Variants in CPLANE1 observed in about 807,000 individuals in gnomAD.
CPLANE1 encodes ciliogenesis and planar polarity effector 1.
In CPLANE1, 263 loss-of-function variants were observed where a neutral mutation model predicts 362.5. The ratio of observed to expected loss-of-function variants is 0.73; its 90% CI spans 0.66 to 0.80. The LOEUF is 0.80. Ranked by LOEUF, CPLANE1 falls within the 30% of genes least tolerant of loss-of-function variation. The pLI is 0.00. For synonymous variants in CPLANE1, 1,212 were observed against 1,302.6 expected, an observed-to-expected ratio of 0.93 and a Z score of 1.50; for missense variants, 3,461 against 3,793.4, an observed-to-expected ratio of 0.91 and a Z score of 2.30.
chr5:37,153,823 G>GCT lies in CPLANE1; in HGVS notation c.8288_8289dup (p.Gln2764SerfsTer4). ...GCAATGTTCTGTATTGCTAGCAACTGCTCGTCAATTTTCTGAAGCTTAGCA... is the reference window on the plus strand; with the variant it reads ...GCAATGTTCTGTATTGCTAGCAACTGCTCTCGTCAATTTTCTGAAGCTTAGCA... On this transcript the variant is annotated frameshift_variant, in exon 42 of 53. Transcript: ENST00000651892. LOFTEE classifies it high-confidence loss of function. The GCT allele has an allele frequency of 1.2e-6, 2 of 1,614,086 alleles. No individual in the cohort carries two copies. Among genetic ancestry groups the GCT allele is most frequent in the South Asian group, 2.2e-5 (2 of 91,080 alleles).
intron 31 of CPLANE1, 108 bp downstream of exon 31, chr5:37,175,801 A>G: frequency 1.4e-6 from 1 of 731,450 alleles, no homozygotes; most frequent in Non-Finnish European, 2.3e-6. Flanking sequence ...CTTAGTTTTT[A>G]GTCAAAATGT....
At chr5:37,102,735 T>A (rs1757353715), downstream of CPLANE1, among the ~76,000 whole-genome samples, 1 of 152,232 alleles carries the variant, frequency 6.6e-6, no homozygotes. Context: ...AGTTTCTTAA[T>A]CTTGAGTTCT....
rs145215555 is a variant in CPLANE1 at position 37,142,374 on chromosome 5, C to G, written c.8568G>C (p.Val2856=). The G allele has an allele frequency of 2.6e-4, 418 of 1,611,568 alleles. 1 individual carries two copies. The African/African-American group carries it at 5.3e-3, about 20-fold the overall frequency. The change falls in exon 44 of 53, where the codon GTG becomes GTC. Residue 2856 remains valine (V), a synonymous_variant. Transcript: ENST00000651892. Reference sequence around the variant, plus strand: ...TGACAGCTGAATCGGCAGTAGGAAACACACAGGTTTTCTGACCAGAATAAT... The same window carrying G: ...TGACAGCTGAATCGGCAGTAGGAAAGACACAGGTTTTCTGACCAGAATAAT... ...TENYSGQKTC[V]FPTADSAVSL... is the part of the protein sequence containing the mutation.
intron 50 of CPLANE1, among the ~76,000 whole-genome samples, chr5:37,118,326 G>A (rs576801654): frequency 1.9e-4 from 28 of 150,422 alleles, no homozygotes; most frequent in Admixed American, 4.6e-4. Flanking sequence ...GATGGCTCTT[G>A]AGCCTAGGAG....
rs779680371 is a variant in CPLANE1, at chr5:37,244,434, G to GA, written c.510dup (p.Leu171SerfsTer8). On this transcript the variant is annotated frameshift_variant, in exon 5 of 53. Coordinates refer to ENST00000651892, the MANE Select transcript of CPLANE1 (RefSeq NM_001384732.1). LOFTEE classifies it high-confidence loss of function. ...TCTTTATCTTCGGTGGAAGGCAAGAGAACTGCTTCTTCAGGTATGACCTGG... is the reference window on the plus strand; with the variant it reads ...TCTTTATCTTCGGTGGAAGGCAAGAGAAACTGCTTCTTCAGGTATGACCTGG... 6.4e-7 allele frequency: 1 copy of GA among 1,551,206 alleles called. No individual in the cohort carries two copies. The highest frequency in any genetic ancestry group is 1.4e-5 in the African/African-American group (1 of 72,934).
chr5:37,123,447 T>C (rs1314415922), intron 47 of CPLANE1, among the ~76,000 whole-genome samples: 1 of 152,206 alleles, frequency 6.6e-6, no homozygotes, highest in Admixed American at 6.5e-5. Flanking sequence ...ATCCCATCCC[T>C]TTACCCAAAT....
intron 41 of CPLANE1, among the ~76,000 whole-genome samples, chr5:37,156,778 A>T (rs932245189): frequency 1.3e-5 from 2 of 152,226 alleles, no homozygotes; most frequent in Non-Finnish European, 2.9e-5. Context: ...GACACTGAGG[A>T]CTACAAGACA....
At position 37,197,205 on chromosome 5, in the gene CPLANE1, C is replaced by T. The variant is rs551749212; in HGVS notation, c.3673-1209G>A. ...TTGGAGATGATAAAATTTATTTCCA[C>T]GTTTCAGGAAAGGGCTCTAAGAGAC... On this transcript the variant is annotated intron_variant, in intron 20 of 52. Coordinates refer to ENST00000651892, the MANE Select transcript of CPLANE1 (RefSeq NM_001384732.1). Among the ~76,000 whole-genome samples, 5 of 151,892 alleles carry T rather than the reference C, an allele frequency of 3.3e-5. No homozygotes were observed. The South Asian group carries it at 8.3e-4, about 25-fold the overall frequency.
chr5:37,179,282 C>T, intron 29 of CPLANE1, 79 bp downstream of exon 29: 1 of 923,268 alleles, frequency 1.1e-6, no homozygotes. Flanking sequence ...TATTTAATAA[C>T]AATGAATAAA....
At chr5:37,194,600 C>A (rs201420428) in intron 21 of CPLANE1, among the ~76,000 whole-genome samples, 2 of 151,134 alleles carry the variant, frequency 1.3e-5, no homozygotes, top group Non-Finnish European at 2.9e-5. Context: ...GAAAAACAGA[C>A]AATCTGAGCC....
intron 50 of CPLANE1, among the ~76,000 whole-genome samples, chr5:37,118,777 G>A (rs1349962281): frequency 3.3e-5 from 5 of 150,608 alleles, no homozygotes; most frequent in Non-Finnish European, 5.9e-5. Flanking sequence ...GCAGTGGTGC[G>A]ATCTCAGCTC....
At chr5:37,127,322 T>C (rs1276253657) in intron 46 of CPLANE1, among the ~76,000 whole-genome samples, 2 of 152,144 alleles carry the variant, frequency 1.3e-5, no homozygotes, top group South Asian at 2.1e-4. Flanking sequence ...TGCAGTATGA[T>C]AGTTGTCCCC....
intron 46 of CPLANE1, among the ~76,000 whole-genome samples, chr5:37,130,960 T>C (rs978492038): frequency 9.2e-5 from 14 of 152,348 alleles, no homozygotes; most frequent in African/African-American, 2.9e-4. Context: ...GAAACAGTTA[T>C]ATATCCTTGC....
chr5:37,103,008 A>C (rs1248392465), downstream of CPLANE1, among the ~76,000 whole-genome samples: 2 of 152,166 alleles, frequency 1.3e-5, no homozygotes, highest in African/African-American at 4.8e-5. Flanking sequence ...GTCCAGTATT[A>C]CTGTGTGGGA....
chr5:37,227,488 C>T, intron 10 of CPLANE1, 80 bp downstream of exon 10: 1 of 1,480,932 alleles, frequency 6.8e-7, no homozygotes, highest in South Asian at 1.4e-5. Context: ...GTATACAATT[C>T]AAGGACATTA....
the CPLANE1 span, among the ~76,000 whole-genome samples, chr5:37,088,548 G>T: frequency 6.6e-6 from 1 of 152,170 alleles, no homozygotes; most frequent in Non-Finnish European, 1.5e-5. Flanking sequence ...GAAACATTGG[G>T]CAAATCAGTG....
rs1380659662 is a variant in CPLANE1, at chr5:37,209,055, C to T, written c.2921-2630G>A. On this transcript the variant is annotated intron_variant, in intron 16 of 52. Coordinates refer to ENST00000651892, the MANE Select transcript of CPLANE1 (RefSeq NM_001384732.1). The surrounding 1 kb of genome is among the most constrained non-coding windows in gnomAD (Gnocchi z 4.6). ...AGGATGGGATGTGAGGCGGTCCTGC[C>T]TTGCCGCCTTCTGTCCCTAGTCTCC... Among the ~76,000 whole-genome samples, 1 of 152,244 alleles carries T rather than the reference C, an allele frequency of 6.6e-6. No individual in the cohort carries two copies. Among genetic ancestry groups the T allele is most frequent in the Non-Finnish European group, 1.5e-5 (1 of 68,048 alleles).
In CPLANE1 at chr5:37,182,927, T is replaced by G; in HGVS notation, c.5254A>C (p.Arg1752=). The G allele has an allele frequency of 6.2e-7, 1 of 1,605,188 alleles. No individual in the cohort carries two copies. The highest frequency in any genetic ancestry group is 8.5e-7 in the Non-Finnish European group (1 of 1,176,402). ...SIGRLLEWMI[R]WSNRRLLCDS... is the part of the protein sequence containing the mutation. ...CAGAGTAGCCTTCTATTAGACCACCTTATCATCCATTCCAGCAGTCTTCCT... is the reference window on the plus strand; with the variant it reads ...CAGAGTAGCCTTCTATTAGACCACCGTATCATCCATTCCAGCAGTCTTCCT... Residue 1752 remains arginine, a synonymous_variant, in exon 26 of 53, where the codon AGG becomes CGG. Coordinates refer to ENST00000651892, the MANE Select transcript of CPLANE1 (RefSeq NM_001384732.1).
chr5:37,176,047 T>A (rs1487524647), intron 30 of CPLANE1, 61 bp from the exon 31 acceptor site: 2 of 1,096,556 alleles, frequency 1.8e-6, no homozygotes, highest in Admixed American at 3.4e-5. Flanking sequence ...ATCTAAGGTA[T>A]GAGTGATCTA....
Sources: gnomAD v4.1 joint callset for allele counts (sites outside exome capture counted in the v4.1 genomes callset) on GRCh38, gnomAD v4.1.1 for gene constraint, Gnocchi (gnomAD v3.1) non-coding constraint, MANE v1.5 for transcripts, NCBI Gene and HGNC (gene_info 2026-07-23, HGNC 2026-07-21) for gene names.